The following FHIT variants were observed in gnomAD, a reference collection of about 807,000 sequenced individuals.
FHIT encodes the protein fragile histidine triad diadenosine triphosphatase.
In FHIT, 19 loss-of-function variants were observed where a neutral mutation model predicts 17.9. That is an observed-to-expected ratio of 1.06 (90% CI 0.74 to 1.56). The LOEUF is 1.56. FHIT is among the 40% of genes most tolerant of loss of function. The pLI, the probability that FHIT is intolerant of heterozygous loss-of-function variation, is 0.00. For missense variants in FHIT, 248 were observed against 189.2 expected, an observed-to-expected ratio of 1.31 and a Z score of -1.82; for synonymous variants, 81 against 69.7, an observed-to-expected ratio of 1.16 and a Z score of -0.81.
chr3:60,294,800 T>A (rs1708135719), intron 5 of FHIT, among the ~76,000 whole-genome samples: 1 of 152,186 alleles, frequency 6.6e-6, no homozygotes, highest in African/African-American at 2.4e-5. Context: ...ACATATAACC[T>A]TTTGAAATTG....
At chr3:60,020,605 G>A (rs1026273855) in intron 5 of FHIT, among the ~76,000 whole-genome samples, 1 of 152,310 alleles carries the variant, frequency 6.6e-6, no homozygotes, top group South Asian at 2.1e-4. Flanking sequence ...CTGCAGATCT[G>A]TGTGTAGTTT....
intron 4 of FHIT, among the ~76,000 whole-genome samples, chr3:60,660,412 G>A (rs2040212782): frequency 6.6e-6 from 1 of 152,112 alleles, no homozygotes; most frequent in South Asian, 2.1e-4. Context: ...TGGGGTATGA[G>A]TAGCTGATAT....
In FHIT at chr3:59,922,379, T is replaced by C. The variant is rs1476608002; in HGVS notation, c.315A>G (p.Gly105=). The C allele has an allele frequency of 1.9e-6, 3 of 1,613,824 alleles. No homozygotes were observed. Among genetic ancestry groups the C allele is most frequent in the Admixed American group, 1.7e-5 (1 of 59,976 alleles). Residue 105 remains glycine (G), a synonymous_variant, in exon 8 of 10, where the codon GGA becomes GGG. Transcript: ENST00000492590. ...AGATGCTGTCATTCCTGTGAAAGTC[T>C]CCAGCCTTCCTGGGAAGAACATGGA... ...VHVHVLPRKA[G]DFHRNDSIYE...
intron 2 of FHIT, among the ~76,000 whole-genome samples, chr3:61,153,524 G>T (rs1413496268): frequency 6.6e-6 from 1 of 152,076 alleles, no homozygotes; most frequent in Non-Finnish European, 1.5e-5. Context: ...TAATGTCTTG[G>T]GCTTTATTCA....
intron 8 of FHIT, among the ~76,000 whole-genome samples, chr3:59,876,981 T>A (rs1372658564): frequency 6.6e-6 from 1 of 152,132 alleles, no homozygotes; most frequent in Non-Finnish European, 1.5e-5. Context: ...AAGAGACACA[T>A]AAGAAGAAAT....
At chr3:61,107,959 C>T (rs2036039675) in intron 2 of FHIT, among the ~76,000 whole-genome samples, 1 of 152,166 alleles carries the variant, frequency 6.6e-6, no homozygotes, top group Non-Finnish European at 1.5e-5. Context: ...TTGTTTATAC[C>T]TCCGCTTGTT....
chr3:60,016,859 A>T, intron 5 of FHIT, among the ~76,000 whole-genome samples: 1 of 152,194 alleles, frequency 6.6e-6, no homozygotes, highest in East Asian at 1.9e-4. Context: ...TTTGGCCCAA[A>T]TCACCATTTC....
intron 2 of FHIT, among the ~76,000 whole-genome samples, chr3:61,077,889 AG>A (rs2035019327): frequency 6.6e-6 from 1 of 152,178 alleles, no homozygotes; most frequent in African/African-American, 2.4e-5. Context: ...TTATTACATT[AG>A]TGAATTGAAT....
intron 5 of FHIT, among the ~76,000 whole-genome samples, chr3:60,031,363 C>T (rs1450415573): frequency 1.3e-5 from 2 of 152,160 alleles, no homozygotes; most frequent in East Asian, 3.8e-4. Context: ...CAAGGGTCAA[C>T]CTTTGACTAT....
intron 8 of FHIT, among the ~76,000 whole-genome samples, chr3:59,873,080 T>G (rs1377715238): frequency 2.6e-5 from 4 of 152,188 alleles, no homozygotes; most frequent in Non-Finnish European, 4.4e-5. Flanking sequence ...ATTCCTTCCT[T>G]CCTTTCCACC....
At chr3:59,926,535 G>C (rs551114847) in intron 7 of FHIT, among the ~76,000 whole-genome samples, 116 of 152,178 alleles carry the variant, frequency 7.6e-4, no homozygotes, top group Non-Finnish European at 1.5e-3. Flanking sequence ...TCTAACGTTT[G>C]AAGTTTGGGA....
At chr3:60,955,647 T>C (rs1276932667) in intron 3 of FHIT, among the ~76,000 whole-genome samples, 9 of 118,092 alleles carry the variant, frequency 7.6e-5, no homozygotes, top group South Asian at 2.6e-4. Context: ...CACACACACA[T>C]ATATACATGT....
intron 5 of FHIT, among the ~76,000 whole-genome samples, chr3:60,231,102 A>G (rs182627617): frequency 7.9e-5 from 12 of 152,358 alleles, no homozygotes; most frequent in Middle Eastern, 3.4e-3. Context: ...AAATACGCCA[A>G]TAAAGCTCCT....
At chr3:60,739,956 A>C (rs528789649) in intron 4 of FHIT, among the ~76,000 whole-genome samples, 1 of 152,340 alleles carries the variant, frequency 6.6e-6, no homozygotes. Flanking sequence ...GGCATTTTAC[A>C]ACTTCACATC....
rs540465472 is a variant in FHIT at position 60,134,590 on chromosome 3, T to C, written c.104-120438A>G. ...ACACATGCTCATATACATATATACA[T>C]GCAGTCAAGCTCAACCTAGATTCAC... On this transcript the variant is annotated intron_variant, in intron 5 of 9. Coordinates refer to ENST00000492590, the MANE Select transcript of FHIT (RefSeq NM_002012.4). Among the ~76,000 whole-genome samples, 6 of 152,304 alleles carry C rather than the reference T, an allele frequency of 3.9e-5. No homozygotes were observed. In the South Asian group the frequency reaches 6.2e-4, roughly 16 times the overall value.
chr3:59,963,217 A>T (rs997127697), intron 7 of FHIT, among the ~76,000 whole-genome samples: 4 of 151,926 alleles, frequency 2.6e-5, no homozygotes, highest in African/African-American at 4.8e-5. Context: ...CAATGAGCCG[A>T]GATCACACCA....
intron 5 of FHIT, among the ~76,000 whole-genome samples, chr3:60,036,796 TC>T: frequency 6.6e-6 from 1 of 152,274 alleles, no homozygotes. Context: ...TTTTTGCTCT[TC>T]CCCAAGATAG....
intron 4 of FHIT, among the ~76,000 whole-genome samples, chr3:60,793,984 A>G (rs1559727738): frequency 6.6e-6 from 1 of 152,228 alleles, no homozygotes; most frequent in Non-Finnish European, 1.5e-5. Flanking sequence ...CTTCTGCTAC[A>G]GCAAAGAAGC....
chr3:60,493,466 G>A (rs1459813980), intron 5 of FHIT, among the ~76,000 whole-genome samples: 3 of 152,148 alleles, frequency 2.0e-5, no homozygotes, highest in Admixed American at 6.5e-5. Context: ...AAGAGAACCT[G>A]TCAAATCAAA....
Sources: gnomAD v4.1 joint callset for allele counts (sites outside exome capture counted in the v4.1 genomes callset) on GRCh38, gnomAD v4.1.1 for gene constraint, MANE v1.5 for transcripts, NCBI Gene and HGNC (gene_info 2026-07-23, HGNC 2026-07-21) for gene names.